The following BOC variants were observed in gnomAD, a reference collection of about 807,000 sequenced individuals.
The protein encoded by BOC is BOC cell adhesion associated, oncogene regulated.
Under a neutral mutation model 112.0 loss-of-function variants are expected in BOC, and 76 were observed. The observed-to-expected ratio is 0.68, with a 90% CI of 0.56 to 0.82. The LOEUF is 0.82. Among genes scored for constraint, BOC ranks in the 40% least tolerant of loss-of-function variants. The pLI is 0.00. For synonymous variants in BOC, 580 were observed against 599.8 expected (o/e 0.97, Z 0.48); for missense variants, 1,309 against 1,511.7 (o/e 0.87, Z 2.22).
chr3:113,278,590 G>A lies in BOC; in HGVS notation c.1706-83G>A. On this transcript the variant is annotated intron_variant, in intron 10 of 19. Coordinates refer to ENST00000682979, the MANE Select transcript of BOC (RefSeq NM_001378074.1). The surrounding 1 kb of genome is among the most constrained non-coding windows in gnomAD (Gnocchi z 4.2). The stretch of plus-strand genomic sequence containing the variant: ...CATCACTTTGTCATGCCGCTTAGCA[G>A]AGTCTCAGGCAAAAAGGACTCTGTG... The A allele has an allele frequency of 8.2e-7, 1 of 1,216,090 alleles. No homozygotes were observed. Among genetic ancestry groups the A allele is most frequent in the Non-Finnish European group, 1.2e-6 (1 of 847,560 alleles). The allele number at this position is 1,216,090 out of a possible 1,614,324, so 75.3% of individuals were successfully genotyped here. A position where few individuals can be genotyped will look rare whatever the true frequency, so the allele number is the denominator to read the frequency against.
intron 4 of BOC, among the ~76,000 whole-genome samples, chr3:113,264,103 A>G (rs932273634): frequency 1.3e-5 from 2 of 152,224 alleles, no homozygotes; most frequent in African/African-American, 4.8e-5. Flanking sequence ...CTAAAATATC[A>G]TGGGCTTTCT....
chr3:113,217,881 AAGG>A (rs1313335551), intron 2 of BOC, among the ~76,000 whole-genome samples: 1 of 152,160 alleles, frequency 6.6e-6, no homozygotes, highest in African/African-American at 2.4e-5. Context: ...TCGGGGAGAA[AAGG>A]AGAAGTGTGT....
intron 4 of BOC, among the ~76,000 whole-genome samples, chr3:113,262,585 C>G (rs2107558619): frequency 6.6e-6 from 1 of 152,276 alleles, no homozygotes; most frequent in East Asian, 1.9e-4. Context: ...AGATGCCTGC[C>G]CAGCCCACAG....
intron 2 of BOC, among the ~76,000 whole-genome samples, chr3:113,231,560 T>C (rs1201780351): frequency 6.6e-6 from 1 of 152,160 alleles, no homozygotes; most frequent in African/African-American, 2.4e-5. Flanking sequence ...TGTGGTCAAG[T>C]GAGTCCAAGC....
At chr3:113,261,759 C>T (rs570135541) in intron 4 of BOC, 4 of 152,270 alleles carry the variant, frequency 2.6e-5, no homozygotes, top group Admixed American at 2.0e-4. Context: ...CCCACTCCTC[C>T]CTTCTGGCCT....
At chr3:113,266,082 C>G (rs2107601139) in intron 4 of BOC, among the ~76,000 whole-genome samples, 1 of 152,320 alleles carries the variant, frequency 6.6e-6, no homozygotes, top group Middle Eastern at 3.4e-3. Context: ...CCAGGAGGCC[C>G]TACACTTACC....
Position 113,211,976 on chromosome 3 carries a change from G to C in BOC, c.-210G>C, listed in dbSNP as rs984905863. 7.9e-5 allele frequency: 12 copies of C among 152,618 alleles called. No homozygotes were observed. Among genetic ancestry groups the C allele is most frequent in the Non-Finnish European group, 1.6e-4 (11 of 68,360 alleles). 9.5% of individuals were successfully genotyped at this position (152,618 alleles called of 1,614,324 possible). A position where few individuals can be genotyped will look rare whatever the true frequency, so the allele number is the denominator to read the frequency against. ...CCTCGCGCCCACCACGCTGGCCCCCGGGCCCCGGCTCGCCCTTCCCAGGCG... is the reference window on the plus strand; with the variant it reads ...CCTCGCGCCCACCACGCTGGCCCCCCGGCCCCGGCTCGCCCTTCCCAGGCG... On this transcript the variant is annotated 5_prime_UTR_variant, in exon 1 of 20. Transcript: ENST00000682979.
At chr3:113,218,996 A>G (rs572735481) in intron 2 of BOC, among the ~76,000 whole-genome samples, 31 of 152,338 alleles carry the variant, frequency 2.0e-4, no homozygotes, top group Middle Eastern at 6.8e-3. Flanking sequence ...GACACACCAT[A>G]TAGGTCTTGA....
chr3:113,249,873 C>CCA lies in BOC; in HGVS notation c.74_75dup (p.Ala26GlnfsTer8), dbSNP rs1233699131. ...GTCACACTGGCTTGCCTCCTCCTAG[C>CCA]CACAGCAGGCTGCTTTGCTGACTTG... On this transcript the variant is annotated frameshift_variant, in exon 3 of 20. Coordinates refer to ENST00000682979, the MANE Select transcript of BOC (RefSeq NM_001378074.1). LOFTEE classifies it high-confidence loss of function. 6.2e-7 allele frequency: 1 copy of CCA among 1,613,464 alleles called. No homozygotes were observed. The highest frequency in any genetic ancestry group is 1.3e-5 in the African/African-American group (1 of 74,894).
chr3:113,283,381 T>C (rs747708538), intron 15 of BOC, 30 bp from the exon 16 acceptor site: 3 of 1,554,686 alleles, frequency 1.9e-6, no homozygotes, highest in Non-Finnish European at 2.6e-6. Context: ...AAGAAACATA[T>C]GCTGAAGTGA....
intron 2 of BOC, among the ~76,000 whole-genome samples, chr3:113,236,410 A>G (rs1220259876): frequency 7.0e-6 from 1 of 143,440 alleles, no homozygotes; most frequent in Non-Finnish European, 1.6e-5. Flanking sequence ...AAAGTAACTC[A>G]GAAACAAAAA....
intron 2 of BOC, among the ~76,000 whole-genome samples, chr3:113,247,871 C>G (rs2107352597): frequency 6.6e-6 from 1 of 152,302 alleles, no homozygotes; most frequent in Middle Eastern, 3.4e-3. Flanking sequence ...AGCAAAAGCT[C>G]TCTCTCTACA....
chr3:113,229,061 C>G (rs1694015075), intron 2 of BOC, among the ~76,000 whole-genome samples: 1 of 152,222 alleles, frequency 6.6e-6, no homozygotes, highest in Non-Finnish European at 1.5e-5. Flanking sequence ...CAGGCAGCTT[C>G]ATTCCTGGAC....
chr3:113,285,429 C>T lies in BOC; in HGVS notation c.3024C>T (p.Ser1008=). Residue 1008 remains serine (S), a synonymous_variant, in exon 19 of 20, where the codon TCC becomes TCT. Coordinates refer to ENST00000682979, the MANE Select transcript of BOC (RefSeq NM_001378074.1). ...TCTTATACACACTGCCCGACGACTC[C>T]ACTCACCAGCTGCTGCAGCCCCATC... is the stretch of plus-strand genomic sequence containing the variant. ...GSFLYTLPDD[S]THQLLQPHHD... is the part of the protein sequence containing the mutation. The T allele has an allele frequency of 6.2e-7, 1 of 1,613,988 alleles. No homozygotes were observed.
intron 2 of BOC, among the ~76,000 whole-genome samples, chr3:113,232,565 G>A (rs1942786206): frequency 2.0e-5 from 1 of 50,254 alleles, no homozygotes; most frequent in Non-Finnish European, 3.0e-5. Flanking sequence ...CTGTGCGAGT[G>A]TGTGTGTGTG....
At position 113,248,440 on chromosome 3, in the gene BOC, G is replaced by C. The variant is rs369713626; in HGVS notation, c.-81-1282G>C. Among the ~76,000 whole-genome samples the C allele has an allele frequency of 2.0e-5, 3 of 152,186 alleles. No individual in the cohort carries two copies. In the East Asian group the frequency reaches 5.8e-4, roughly 29 times the overall value. ...GTCTCTGGTTAGGTAGATTGATCTAGAAGAGTTAACATTTTGAATGTATGT... is the reference window on the plus strand; with the variant it reads ...GTCTCTGGTTAGGTAGATTGATCTACAAGAGTTAACATTTTGAATGTATGT... On this transcript the variant is annotated intron_variant, in intron 2 of 19. Transcript: ENST00000682979.
intron 2 of BOC, among the ~76,000 whole-genome samples, chr3:113,240,583 A>G (rs1237787494): frequency 3.9e-5 from 6 of 152,218 alleles, no homozygotes; most frequent in Admixed American, 3.9e-4. Context: ...AGTTTCAACT[A>G]TAGGGAAATA....
At chr3:113,285,146 C>T (rs1204254709) in intron 18 of BOC, among the ~76,000 whole-genome samples, 1 of 152,270 alleles carries the variant, frequency 6.6e-6, no homozygotes, top group African/African-American at 2.4e-5. Flanking sequence ...CCCCTGGACA[C>T]CTGACTTCAC....
At chr3:113,284,057 A>G (rs1437709438) in intron 16 of BOC, among the ~76,000 whole-genome samples, 2 of 151,508 alleles carry the variant, frequency 1.3e-5, no homozygotes, top group Admixed American at 1.3e-4. Context: ...TCCTCTAAAT[A>G]TTGTTCTTCT....
Sources: allele counts gnomAD v4.1 joint callset (sites outside exome capture counted in the v4.1 genomes callset), GRCh38; gene constraint gnomAD v4.1.1; non-coding constraint Gnocchi (gnomAD v3.1); transcripts MANE v1.5; gene names NCBI Gene and HGNC (gene_info 2026-07-23, HGNC 2026-07-21).